ZSCAN25: variants seen among roughly 807,000 people sequenced by gnomAD.
The protein encoded by ZSCAN25 is zinc finger and SCAN domain containing 25.
A neutral mutation model predicts 38.7 loss-of-function variants in ZSCAN25; 27 were observed. That is an observed-to-expected ratio of 0.70 (90% CI 0.51 to 0.96). The LOEUF is 0.96. Ranked by LOEUF, ZSCAN25 falls within the 40% of genes least tolerant of loss-of-function variation. ZSCAN25 has a pLI of 0.00. For synonymous variants in ZSCAN25, 273 were observed against 277.7 expected (o/e 0.98, Z 0.17); for missense variants, 637 against 705.9 (o/e 0.90, Z 1.11).
chr7:99,649,222 C>T, the ZSCAN25 span, among the ~76,000 whole-genome samples: 1 of 152,188 alleles, frequency 6.6e-6, no homozygotes, highest in Non-Finnish European at 1.5e-5. Flanking sequence ...TGCCTGAATA[C>T]ACACATAGGA....
rs1807963868 is a variant in ZSCAN25 at position 99,631,053 on chromosome 7, C to G, written c.*1033C>G. ...CTCTTCTGGGTGCTTGAGACACATC[C>G]ATGAATAAAATAGGGGGAGAAGCTG... On this transcript the variant is annotated 3_prime_UTR_variant, in exon 8 of 8. Transcript: ENST00000394152. 1.0e-6 allele frequency: 1 copy of G among 980,602 alleles called. No individual in the cohort carries two copies. Among genetic ancestry groups the G allele is most frequent in the Non-Finnish European group, 1.2e-6 (1 of 825,670 alleles). 60.7% of individuals were successfully genotyped at this position (980,602 alleles called of 1,614,324 possible). A position where few individuals can be genotyped will look rare whatever the true frequency, so the allele number is the denominator to read the frequency against.
At chr7:99,725,287 T>C in the ZSCAN25 span, among the ~76,000 whole-genome samples, 1 of 152,042 alleles carries the variant, frequency 6.6e-6, no homozygotes, top group Admixed American at 6.6e-5. Context: ...CCCAATCCTC[T>C]CCTGACATTA....
chr7:99,670,090 A>G, the ZSCAN25 span, among the ~76,000 whole-genome samples: 1 of 152,116 alleles, frequency 6.6e-6, no homozygotes, highest in African/African-American at 2.4e-5. Flanking sequence ...ATGGATGCTG[A>G]CTCTAGCAAG....
chr7:99,628,110 C>T (rs529530828), intron 7 of ZSCAN25, among the ~76,000 whole-genome samples: 4 of 152,074 alleles, frequency 2.6e-5, no homozygotes, highest in African/African-American at 7.2e-5. Flanking sequence ...AAAAGGGTAA[C>T]GTGACATTTT....
At chr7:99,703,866 C>T in the ZSCAN25 span, among the ~76,000 whole-genome samples, 6 of 151,858 alleles carry the variant, frequency 4.0e-5, no homozygotes, top group Non-Finnish European at 5.9e-5. Context: ...TGCTTGGACT[C>T]CCACACCCAG....
Position 99,629,822 on chromosome 7 carries a change from C to G in ZSCAN25, c.1437C>G (p.Ala479=). The part of the protein sequence containing the change: ...RNANLAVHRR[A]HTGEKPYGCQ... ...CCAATCTGGCGGTGCACCGGCGTGC[C>G]CACACTGGCGAGAAGCCATATGGGT... Residue 479 remains alanine (A), a synonymous_variant, in exon 8 of 8, where the codon GCC becomes GCG. Coordinates refer to ENST00000394152, the MANE Select transcript of ZSCAN25 (RefSeq NM_145115.3). The surrounding 1 kb of genome is among the most constrained non-coding windows in gnomAD (Gnocchi z 5.6). 1 of 1,614,176 alleles carries G rather than the reference C, an allele frequency of 6.2e-7. No individual in the cohort carries two copies. Among genetic ancestry groups the G allele is most frequent in the Non-Finnish European group, 8.5e-7 (1 of 1,180,018 alleles).
At chr7:99,710,445 A>G in the ZSCAN25 span, among the ~76,000 whole-genome samples, 6 of 152,340 alleles carry the variant, frequency 3.9e-5, no homozygotes, top group African/African-American at 1.2e-4. Context: ...AGCAATATGC[A>G]TATTGTTAAA....
intron 7 of ZSCAN25, among the ~76,000 whole-genome samples, chr7:99,625,373 C>G (rs143373626): frequency 1.5e-4 from 23 of 152,340 alleles, no homozygotes; most frequent in Middle Eastern, 3.4e-3. Context: ...GTGGCCATTG[C>G]TGTTCTGGTC....
the ZSCAN25 span, among the ~76,000 whole-genome samples, chr7:99,655,725 T>C: frequency 6.6e-6 from 1 of 152,220 alleles, no homozygotes; most frequent in Non-Finnish European, 1.5e-5. Context: ...GGAATGTTGT[T>C]CCATTTGTTT....
the ZSCAN25 span, chr7:99,695,798 A>G: frequency 6.2e-7 from 1 of 1,613,814 alleles, no homozygotes; most frequent in Non-Finnish European, 8.5e-7. Context: ...GGGCCCTGGA[A>G]TGCCAAGCTT....
the ZSCAN25 span, among the ~76,000 whole-genome samples, chr7:99,649,024 C>T: frequency 6.6e-6 from 1 of 152,206 alleles, no homozygotes; most frequent in Non-Finnish European, 1.5e-5. Context: ...ACTATTGTCA[C>T]TGAGTCACCC....
chr7:99,673,137 G>T, the ZSCAN25 span, among the ~76,000 whole-genome samples: 1 of 152,210 alleles, frequency 6.6e-6, no homozygotes. Context: ...AGGGCAGTTG[G>T]TGTGGGGCCC....
the ZSCAN25 span, chr7:99,695,991 A>G: frequency 1.8e-5 from 12 of 656,254 alleles, no homozygotes; most frequent in Non-Finnish European, 2.9e-5. Flanking sequence ...CAATGATTAT[A>G]TTTGTACATC....
At chr7:99,659,261 A>G in the ZSCAN25 span, 1 of 152,026 alleles carries the variant, frequency 6.6e-6, no homozygotes, top group Non-Finnish European at 1.5e-5. Context: ...TTTGGTGTGG[A>G]TGTCCTTTCT....
In ZSCAN25 at chr7:99,629,181, T is replaced by C; in HGVS notation, c.806-10T>C. 6.3e-7 allele frequency: 1 copy of C among 1,595,366 alleles called. No individual in the cohort carries two copies. Among genetic ancestry groups the C allele is most frequent in the Non-Finnish European group, 8.5e-7 (1 of 1,171,548 alleles). ...CACAGAATCAATCTTTATCTCCTCC[T>C]GTCCTGTAGGCGGTGGGAGCAAGGA... On this transcript the variant is annotated splice_polypyrimidine_tract_variant and intron_variant, in intron 7 of 7. Coordinates refer to ENST00000394152, the MANE Select transcript of ZSCAN25 (RefSeq NM_145115.3). This position sits in a 1 kb window ranked among gnomAD's most constrained non-coding sequence, Gnocchi z 5.6.
the ZSCAN25 span, chr7:99,660,599 GT>G: frequency 2.5e-6 from 4 of 1,613,858 alleles, no homozygotes; most frequent in Non-Finnish European, 3.4e-6. Context: ...ACTGCTGGTG[GT>G]TTCATAGCCA....
the ZSCAN25 span, chr7:99,672,819 A>C: frequency 6.7e-7 from 1 of 1,493,488 alleles, no homozygotes; most frequent in Non-Finnish European, 8.9e-7. Flanking sequence ...CTTAGGTTCT[A>C]GTTCATTAGG....
chr7:99,666,919 C>G, the ZSCAN25 span: 1 of 1,609,574 alleles, frequency 6.2e-7, no homozygotes, highest in Admixed American at 1.7e-5. Flanking sequence ...TCATTCTTTA[C>G]ATTTCTAATT....
the ZSCAN25 span, chr7:99,676,301 G>A: frequency 1.9e-6 from 3 of 1,592,764 alleles, no homozygotes; most frequent in Non-Finnish European, 2.6e-6. Flanking sequence ...GGTCAAGAGA[G>A]GGAGGTAATA....
Sources: allele counts gnomAD v4.1 joint callset (sites outside exome capture counted in the v4.1 genomes callset), GRCh38; gene constraint gnomAD v4.1.1; non-coding constraint Gnocchi (gnomAD v3.1); transcripts MANE v1.5; gene names NCBI Gene and HGNC (gene_info 2026-07-23, HGNC 2026-07-21).